NBPF12: variants seen among roughly 807,000 people sequenced by gnomAD.
The protein encoded by NBPF12 is NBPF member 12.
Under a neutral mutation model 146.4 loss-of-function variants are expected in NBPF12, and 115 were observed. The ratio of observed to expected loss-of-function variants is 0.79; its 90% CI spans 0.68 to 0.92. The LOEUF is 0.92. Among genes scored for constraint, NBPF12 ranks in the 40% least tolerant of loss-of-function variants. NBPF12 has a pLI of 0.00. For synonymous variants in NBPF12, 385 were observed against 508.9 expected (o/e 0.76, Z 3.28); for missense variants, 1,205 against 1,326.8 (o/e 0.91, Z 1.43).
chr1:146,961,673 A>G (rs1424258485), intron 4 of NBPF12, among the ~76,000 whole-genome samples: 1 of 152,016 alleles, frequency 6.6e-6, no homozygotes, highest in African/African-American at 2.4e-5. Flanking sequence ...TCTTAAAACC[A>G]TATCTGAATA....
In NBPF12 at chr1:146,989,481, T is replaced by G; in HGVS notation, c.3399-93T>G. The G allele has an allele frequency of 2.4e-6, 3 of 1,251,128 alleles. No homozygotes were observed. The Admixed American group carries it at 5.1e-5, about 21-fold the overall frequency. The allele number at this position is 1,251,128 out of a possible 1,614,324, so 77.5% of individuals were successfully genotyped here. A position where few individuals can be genotyped will look rare whatever the true frequency, so the allele number is the denominator to read the frequency against. On this transcript the variant is annotated intron_variant, in intron 27 of 33. Transcript: ENST00000617844. ...TAATGGATCTGTCCTTTTTCTTTTC[T>G]AACCACTTCCTTATGTTAGCCATGA...
At chr1:146,963,371 C>G in intron 6 of NBPF12, 62 bp downstream of exon 9, 2 of 1,589,316 alleles carry the variant, frequency 1.3e-6, no homozygotes, top group Non-Finnish European at 1.7e-6. Context: ...TCCAGACCTC[C>G]ATACTTTCAT....
intron 23 of NBPF12, among the ~76,000 whole-genome samples, chr1:146,986,059 T>C (rs1347432333): frequency 6.6e-6 from 1 of 151,932 alleles, no homozygotes; most frequent in Non-Finnish European, 1.5e-5. Flanking sequence ...TCACTGTGTG[T>C]CCCGAGGGCA....
At chr1:146,986,050 C>T (rs1239956353) in intron 23 of NBPF12, among the ~76,000 whole-genome samples, 1 of 151,926 alleles carries the variant, frequency 6.6e-6, no homozygotes, top group East Asian at 1.9e-4. Flanking sequence ...GATCACTGTT[C>T]ACTGTGTGTC....
chr1:146,947,651 G>A (rs1235450106), upstream of NBPF12, among the ~76,000 whole-genome samples: 1 of 131,664 alleles, frequency 7.6e-6, no homozygotes, highest in Non-Finnish European at 1.6e-5. Context: ...CCTGTTTGTA[G>A]TCATTTCCTA....
At chr1:146,966,385 G>T in intron 8 of NBPF12, 79 bp from the exon 12 acceptor site, 3 of 1,182,212 alleles carry the variant, frequency 2.5e-6, no homozygotes, top group Non-Finnish European at 3.8e-6. Flanking sequence ...GGCTGCCAGT[G>T]ACATCCCTCA....
At chr1:146,965,647 C>T (rs1484243737) in intron 8 of NBPF12, among the ~76,000 whole-genome samples, 1 of 147,454 alleles carries the variant, frequency 6.8e-6, no homozygotes, top group Non-Finnish European at 1.5e-5. Flanking sequence ...AAAAAATTAG[C>T]TGGGCGCGGT....
rs1553886244 is a variant in NBPF12, at chr1:146,970,601, A to C, written c.1307-46A>C. On this transcript the variant is annotated intron_variant, in intron 11 of 33. Transcript: ENST00000617844. ...TGCACGTTGGGCTGACTGTGCTTGC[A>C]GAATGTGAAGTGGAAAATATCTGAA... 8.5e-3 allele frequency: 13,377 copies of C among 1,566,890 alleles called. 1,402 individuals carry two copies. The African/African-American group carries it at 0.16, about 18-fold the overall frequency.
At chr1:146,989,364 G>GTCTCTGTCTCTC (rs1334980006) in intron 27 of NBPF12, among the ~76,000 whole-genome samples, 2 of 143,652 alleles carry the variant, frequency 1.4e-5, no homozygotes, top group African/African-American at 5.1e-5. Flanking sequence ...CTCTGTCTCT[G>GTCTCTGTCTCTC]TCTCTGTCTC....
chr1:146,966,033 G>T (rs1208798988), intron 8 of NBPF12, among the ~76,000 whole-genome samples: 24 of 151,828 alleles, frequency 1.6e-4, no homozygotes, highest in Non-Finnish European at 2.6e-4. Context: ...CTTGAACCCG[G>T]GAGGCAGAGG....
chr1:146,941,142 G>A (rs1458969327), intron 1 of NBPF12, among the ~76,000 whole-genome samples: 2 of 151,102 alleles, frequency 1.3e-5, no homozygotes, highest in Non-Finnish European at 3.0e-5. Flanking sequence ...GGAGTGCAGT[G>A]GTACAATCAC....
At chr1:146,966,361 G>T (rs1358492577) in intron 8 of NBPF12, 103 bp from the exon 12 acceptor site, 3 of 1,012,880 alleles carry the variant, frequency 3.0e-6, no homozygotes, top group African/African-American at 3.2e-5. Context: ...CATCATCTTC[G>T]AATAAGTACA....
At chr1:146,981,290 A>AT (rs1264698070) in intron 19 of NBPF12, among the ~76,000 whole-genome samples, 3,986 of 107,176 alleles carry the variant, frequency 0.037, 118 homozygotes, top group African/African-American at 0.043. Flanking sequence ...AAAAAAAAAA[A>AT]AAAAATATAT....
intron 18 of NBPF12, among the ~76,000 whole-genome samples, chr1:146,978,619 A>G (rs1355878281): frequency 3.3e-5 from 5 of 151,818 alleles, no homozygotes; most frequent in African/African-American, 1.2e-4. Context: ...TGTCCACGTT[A>G]CCTGGTGATA....
chr1:146,954,969 A>AATATATATAT (rs1171967177), intron 2 of NBPF12, among the ~76,000 whole-genome samples: 47 of 53,464 alleles, frequency 8.8e-4, no homozygotes, highest in Admixed American at 1.4e-3. Flanking sequence ...CCAAATAGGG[A>AATATATATAT]ATATATATAT....
In NBPF12 at chr1:146,984,589, GTGTGTGTGTGT is replaced by G. The variant is rs1657616867; in HGVS notation, c.2667-223_2667-213del. 5.5e-4 allele frequency among the ~76,000 whole-genome samples: 17 copies of G among 30,966 alleles called. No homozygotes were observed. The East Asian group carries it at 0.017, about 30-fold the overall frequency. 20.3% of individuals were successfully genotyped at this position (30,966 alleles called of 152,430 possible). A position where few individuals can be genotyped will look rare whatever the true frequency, so the allele number is the denominator to read the frequency against. ...GACTGAGCTCACACTGTGTGTGTGT[GTGTGTGTGTGT>G]GTGTGTGTGTGTGTGTGTGTGTGTC... On this transcript the variant is annotated intron_variant, in intron 21 of 33. Coordinates refer to ENST00000617844, the Ensembl canonical transcript of NBPF12.
chr1:146,947,248 G>A (rs1288997579), upstream of NBPF12, among the ~76,000 whole-genome samples: 17 of 151,852 alleles, frequency 1.1e-4, no homozygotes, highest in Non-Finnish European at 2.2e-4. Context: ...GCTACCCTCA[G>A]CTTCTAGTAA....
At chr1:146,969,862 A>G (rs1222934733) in intron 11 of NBPF12, among the ~76,000 whole-genome samples, 1 of 150,894 alleles carries the variant, frequency 6.6e-6, no homozygotes, top group East Asian at 1.9e-4. Context: ...AAAGGACAGG[A>G]AGGAGGCTGT....
chr1:146,964,819 C>T (rs1656086498), intron 7 of NBPF12, 74 bp from the exon 11 acceptor site: 2 of 1,597,342 alleles, frequency 1.3e-6, no homozygotes, highest in East Asian at 2.2e-5. Flanking sequence ...CCTGTCAAAA[C>T]CAGCTAGGAC....
Sources: allele counts gnomAD v4.1 joint callset (sites outside exome capture counted in the v4.1 genomes callset), GRCh38; gene constraint gnomAD v4.1.1; transcripts MANE v1.5; gene names NCBI Gene and HGNC (gene_info 2026-07-23, HGNC 2026-07-21).